Variants in MDM1 observed in about 807,000 individuals in gnomAD.
MDM1 encodes the protein stabilizer of axonemal microtubules 6.
In MDM1, 61 loss-of-function variants were observed where a neutral mutation model predicts 89.1. The ratio of observed to expected loss-of-function variants is 0.68; its 90% CI spans 0.56 to 0.85. The LOEUF is 0.85. MDM1 is among the 40% of genes least tolerant of loss of function. The pLI is 0.00. For synonymous variants in MDM1, 290 were observed against 294.1 expected, an observed-to-expected ratio of 0.99 and a Z score of 0.14; for missense variants, 820 against 846.5, an observed-to-expected ratio of 0.97 and a Z score of 0.39.
chr12:68,328,562 T>A (rs1876341790), intron 2 of MDM1, among the ~76,000 whole-genome samples: 1 of 152,174 alleles, frequency 6.6e-6, no homozygotes, highest in South Asian at 2.1e-4. Context: ...TTCATAAAAA[T>A]TTATTATAAA....
intron 2 of MDM1, chr12:68,327,651 A>G: frequency 1.3e-6 from 1 of 768,046 alleles, no homozygotes; most frequent in Non-Finnish European, 2.1e-6. Context: ...CCACTGAGAG[A>G]CTGCCCTAGT....
chr12:68,321,201 C>A, intron 7 of MDM1, 146 bp downstream of exon 7: 2 of 474,986 alleles, frequency 4.2e-6, no homozygotes, highest in East Asian at 3.2e-5. Flanking sequence ...CATTCTAATA[C>A]ATAAGTTCCT....
At chr12:68,296,186 A>C (rs1317719000) in intron 14 of MDM1, among the ~76,000 whole-genome samples, 8 of 152,230 alleles carry the variant, frequency 5.3e-5, no homozygotes, top group Admixed American at 4.6e-4. Flanking sequence ...CACTATTATA[A>C]GCAAATAAAT....
chr12:68,302,577 C>T (rs780574187), intron 13 of MDM1, 43 bp downstream of exon 13: 8 of 1,534,226 alleles, frequency 5.2e-6, no homozygotes, highest in Non-Finnish European at 6.2e-6. Flanking sequence ...ATCAGCATAA[C>T]ACTTTATTTT....
In MDM1 at chr12:68,316,076, A is replaced by G. The variant is rs1182370416; in HGVS notation, c.1211+2T>C. On this transcript the variant is annotated splice_donor_variant, in intron 9 of 14. Coordinates refer to ENST00000682720, the MANE Select transcript of MDM1 (RefSeq NM_001354969.2). LOFTEE classifies it high-confidence loss of function. Reference sequence around the variant, plus strand: ...TTTTGCCATCCACAAAGAATATCTCACCCAGCAAGATCTAATGCTCTGATG... The same window carrying G: ...TTTTGCCATCCACAAAGAATATCTCGCCCAGCAAGATCTAATGCTCTGATG... 1.3e-6 allele frequency: 2 copies of G among 1,597,006 alleles called. No individual in the cohort carries two copies. The highest frequency in any genetic ancestry group is 8.5e-7 in the Non-Finnish European group (1 of 1,171,196).
Position 68,323,630 on chromosome 12 carries a change from T to C in MDM1, c.634-390A>G, listed in dbSNP as rs572283355. ...CTGAATACCCAATATGTTCAATTTG[T>C]TTAGCTTTTCTTCCCTTGGCTTATT... On this transcript the variant is annotated intron_variant, in intron 4 of 14. Coordinates refer to ENST00000682720, the MANE Select transcript of MDM1 (RefSeq NM_001354969.2). Among the ~76,000 whole-genome samples, 7 of 152,286 alleles carry C rather than the reference T, an allele frequency of 4.6e-5. No homozygotes were observed. In the South Asian group the frequency reaches 1.4e-3, roughly 32 times the overall value.
chr12:68,309,765 A>G (rs535058042), intron 12 of MDM1, among the ~76,000 whole-genome samples: 1 of 152,312 alleles, frequency 6.6e-6, no homozygotes, highest in African/African-American at 2.4e-5. Context: ...CAATGCTTTT[A>G]TAAGAGAATA....
chr12:68,302,995 T>G (rs2120799477), intron 12 of MDM1, 123 bp from the exon 13 acceptor site: 329 of 655,760 alleles, frequency 5.0e-4, no homozygotes, highest in East Asian at 6.2e-4. Flanking sequence ...AGAGAATTTA[T>G]GCAACATCTA....
chr12:68,310,587 C>G (rs1043395716), intron 12 of MDM1, among the ~76,000 whole-genome samples: 2 of 152,160 alleles, frequency 1.3e-5, no homozygotes, highest in African/African-American at 4.8e-5. Flanking sequence ...GACCATATTC[C>G]TAATGTCACA....
chr12:68,311,798 C>T (rs376633280), intron 12 of MDM1, among the ~76,000 whole-genome samples: 10 of 152,212 alleles, frequency 6.6e-5, no homozygotes, highest in Middle Eastern at 3.2e-3. Flanking sequence ...TTATCTGTGG[C>T]AGCTTTCTCC....
intron 12 of MDM1, among the ~76,000 whole-genome samples, chr12:68,306,642 C>G (rs1308991584): frequency 1.3e-5 from 2 of 152,164 alleles, no homozygotes; most frequent in South Asian, 4.1e-4. Flanking sequence ...CTCAACATTG[C>G]TAATCACCAG....
Position 68,313,488 on chromosome 12 carries a change from C to A in MDM1, c.1704G>T (p.Met568Ile). The part of the protein sequence containing the change: ...KPPAPEQRKR[M>I]TSQDCLETSK... Reference sequence around the variant, plus strand: ...AAGTTTCTAAACAATCCTGAGAGGTCATTCTTTTCCTCTGTTCTGGGGCTG... The same window carrying A: ...AAGTTTCTAAACAATCCTGAGAGGTAATTCTTTTCCTCTGTTCTGGGGCTG... The change falls in exon 12 of 15, where the codon ATG (methionine) becomes ATT (isoleucine). Residue 568 changes from methionine to isoleucine, a missense_variant. Met to Ile is a conservative substitution (Grantham distance 10). Coordinates refer to ENST00000682720, the MANE Select transcript of MDM1 (RefSeq NM_001354969.2). The A allele has an allele frequency of 6.2e-7, 1 of 1,613,952 alleles. No individual in the cohort carries two copies. Among genetic ancestry groups the A allele is most frequent in the South Asian group, 1.1e-5 (1 of 91,050 alleles).
intron 7 of MDM1, among the ~76,000 whole-genome samples, chr12:68,320,575 G>A (rs906516690): frequency 6.6e-6 from 1 of 152,152 alleles, no homozygotes. Flanking sequence ...GTGGGCCATG[G>A]TTTTAAGTAA....
chr12:68,313,021 C>A (rs1055748903), intron 12 of MDM1, among the ~76,000 whole-genome samples: 5 of 152,264 alleles, frequency 3.3e-5, no homozygotes, highest in Non-Finnish European at 5.9e-5. Flanking sequence ...TAATCAGTAT[C>A]TAAAATACTA....
chr12:68,323,242 T>C lies in MDM1; in HGVS notation c.634-2A>G, dbSNP rs938858413. ...AAACTGGCTTTTATTGTGGAAAACC[T>C]TAAAACAAAAATTATTTTAGTTTAG... is the stretch of plus-strand genomic sequence containing the variant. On this transcript the variant is annotated splice_acceptor_variant, in intron 4 of 14. Coordinates refer to ENST00000682720, the MANE Select transcript of MDM1 (RefSeq NM_001354969.2). LOFTEE classifies it high-confidence loss of function. 3 of 1,537,690 alleles carry C rather than the reference T, an allele frequency of 2.0e-6. No individual in the cohort carries two copies. Among genetic ancestry groups the C allele is most frequent in the Non-Finnish European group, 2.6e-6 (3 of 1,150,384 alleles).
intron 12 of MDM1, among the ~76,000 whole-genome samples, chr12:68,310,605 T>C (rs922887398): frequency 3.3e-5 from 5 of 152,196 alleles, no homozygotes; most frequent in Admixed American, 2.6e-4. Flanking sequence ...ACATTTCCTT[T>C]AATAAACCAG....
Position 68,316,164 on chromosome 12 carries a change from A to C in MDM1, c.1125T>G (p.Ser375=). Residue 375 remains serine (S), a synonymous_variant, in exon 9 of 15, where the codon TCT becomes TCG. Coordinates refer to ENST00000682720, the MANE Select transcript of MDM1 (RefSeq NM_001354969.2). ...FSRDHLNQIL[S]DSNCCWDVSS... is the part of the protein sequence containing the mutation. The stretch of plus-strand genomic sequence containing the variant: ...AGACATCCCAACAGCAGTTGCTATC[A>C]GATAAAATCTGATTCAGATGGTCCC... 1 of 1,614,130 alleles carries C rather than the reference A, an allele frequency of 6.2e-7. No homozygotes were observed. The highest frequency in any genetic ancestry group is 1.7e-5 in the Admixed American group (1 of 60,034).
At chr12:68,303,041 C>T (rs1872434929) in intron 12 of MDM1, among the ~76,000 whole-genome samples, 169 bp from the exon 13 acceptor site, 1 of 151,774 alleles carries the variant, frequency 6.6e-6, no homozygotes, top group Admixed American at 6.6e-5. Flanking sequence ...ACAGACCTGG[C>T]TATATAAACA....
intron 5 of MDM1, among the ~76,000 whole-genome samples, chr12:68,321,950 T>C (rs984058823): frequency 1.3e-5 from 2 of 152,224 alleles, no homozygotes; most frequent in Non-Finnish European, 2.9e-5. Flanking sequence ...GAATTTGATA[T>C]TCTAAATTTA....
Sources: allele counts gnomAD v4.1 joint callset (sites outside exome capture counted in the v4.1 genomes callset), GRCh38; gene constraint gnomAD v4.1.1; transcripts MANE v1.5; gene names NCBI Gene and HGNC (gene_info 2026-07-23, HGNC 2026-07-21).